Variants in SIRPG observed in about 807,000 individuals in gnomAD.
SIRPG encodes signal-regulatory protein gamma.
A neutral mutation model predicts 35.7 loss-of-function variants in SIRPG; 38 were observed. The observed-to-expected ratio is 1.06, with a 90% confidence interval of 0.82 to 1.40. The LOEUF is 1.40. SIRPG is among the 40% of genes most tolerant of loss of function. SIRPG has a pLI of 0.00. For missense variants in SIRPG, 519 were observed against 483.0 expected (o/e 1.07, Z -0.70); for synonymous variants, 215 against 190.4 (o/e 1.13, Z -1.06).
chr20:1,652,463 A>G (rs1188540001), intron 1 of SIRPG, among the ~76,000 whole-genome samples: 1 of 152,244 alleles, frequency 6.6e-6, no homozygotes, highest in Non-Finnish European at 1.5e-5. Flanking sequence ...ATACTAGCTA[A>G]CTGAATTGAA....
intron 4 of SIRPG, among the ~76,000 whole-genome samples, 174 bp downstream of exon 4, chr20:1,635,093 G>A (rs2091785067): frequency 6.6e-6 from 1 of 152,018 alleles, no homozygotes; most frequent in South Asian, 2.1e-4. Flanking sequence ...CTATTAACTT[G>A]TGCATCAAAT....
the SIRPG span, among the ~76,000 whole-genome samples, chr20:1,669,198 C>T: frequency 6.6e-6 from 1 of 152,184 alleles, no homozygotes; most frequent in African/African-American, 2.4e-5. Context: ...TCTTCAGGGC[C>T]TCAAATTTAC....
intron 1 of SIRPG, among the ~76,000 whole-genome samples, chr20:1,653,065 A>C (rs181326519): frequency 5.3e-4 from 80 of 152,378 alleles, no homozygotes; most frequent in African/African-American, 1.5e-3. Context: ...GTTTGCAAAC[A>C]TACAGAAAGT....
chr20:1,677,504 ACATG>A, the SIRPG span, among the ~76,000 whole-genome samples: 1 of 152,182 alleles, frequency 6.6e-6, no homozygotes, highest in Non-Finnish European at 1.5e-5. Context: ...AGTGACAGTG[ACATG>A]CAGAATCCCC....
the SIRPG span, among the ~76,000 whole-genome samples, chr20:1,667,560 G>T: frequency 2.6e-5 from 4 of 152,008 alleles, no homozygotes; most frequent in African/African-American, 4.8e-5. Context: ...GAGAGAGAGA[G>T]GATTCAAAAC....
chr20:1,668,203 C>CT, the SIRPG span, among the ~76,000 whole-genome samples: 543 of 25,008 alleles, frequency 0.022, 6 homozygotes, highest in African/African-American at 0.063. Context: ...CTTTTCTTTT[C>CT]TTTCTTTCTT....
chr20:1,657,447 G>A (rs971227189), intron 1 of SIRPG, among the ~76,000 whole-genome samples, 195 bp downstream of exon 1: 5 of 152,208 alleles, frequency 3.3e-5, no homozygotes, highest in Admixed American at 6.5e-5. Flanking sequence ...AGCCTCACAA[G>A]GTTTGATGCC....
At chr20:1,632,319 G>C (rs117616193) in intron 4 of SIRPG, among the ~76,000 whole-genome samples, 2 of 152,274 alleles carry the variant, frequency 1.3e-5, no homozygotes, top group Non-Finnish European at 2.9e-5. Flanking sequence ...ACTGCAAAAT[G>C]ACCGTGAGTC....
rs1294317660 is a variant in SIRPG, at chr20:1,636,331, C to G, written c.605G>C (p.Ser202Thr). The G allele has an allele frequency of 6.2e-7, 1 of 1,614,252 alleles. No homozygotes were observed. Among genetic ancestry groups the G allele is most frequent in the Admixed American group, 1.7e-5 (1 of 60,034 alleles). The change falls in exon 3 of 6, where the codon AGT becomes ACT. Residue 202 changes from serine (S) to threonine (T), a missense_variant. Physicochemically the swap from Ser to Thr is moderately conservative, Grantham distance 58. Transcript: ENST00000303415. ...TGTGCTGCGGATGCTGTAGGCCACA[C>G]TCTGTCCTGTGGGGTCCACGTTGGT... Reference protein sequence around the residue: ...FQTNVDPTGQSVAYSIRSTAR... With the variant: ...FQTNVDPTGQTVAYSIRSTAR...
At chr20:1,635,653 G>A (rs772280773) in intron 3 of SIRPG, 54 bp from the exon 4 acceptor site, 133 of 1,575,668 alleles carry the variant, frequency 8.4e-5, no homozygotes, top group Admixed American at 1.5e-4. Context: ...AGATCACAGG[G>A]AGGGCTCCAT....
the SIRPG span, among the ~76,000 whole-genome samples, chr20:1,683,381 C>A: frequency 6.6e-6 from 1 of 152,188 alleles, no homozygotes; most frequent in Non-Finnish European, 1.5e-5. Flanking sequence ...TTAGATCCAG[C>A]AATCTCACTT....
At chr20:1,678,501 A>C in the SIRPG span, among the ~76,000 whole-genome samples, 1 of 152,210 alleles carries the variant, frequency 6.6e-6, no homozygotes, top group Non-Finnish European at 1.5e-5. Flanking sequence ...AGAAACTGGA[A>C]GATGAAATCA....
chr20:1,670,389 T>C, the SIRPG span: 2 of 162,880 alleles, frequency 1.2e-5, no homozygotes, highest in Admixed American at 1.3e-4. Flanking sequence ...AGGGTGCTCT[T>C]TGCATATGAA....
intron 2 of SIRPG, among the ~76,000 whole-genome samples, chr20:1,643,116 G>A (rs1245458237): frequency 6.6e-6 from 1 of 152,072 alleles, no homozygotes; most frequent in Non-Finnish European, 1.5e-5. Flanking sequence ...ATGTTATCCT[G>A]TCTTGCTAGG....
chr20:1,638,962 A>C (rs1241074189), intron 2 of SIRPG, among the ~76,000 whole-genome samples: 1 of 152,030 alleles, frequency 6.6e-6, no homozygotes, highest in Non-Finnish European at 1.5e-5. Flanking sequence ...ATTCTTTTTT[A>C]TGGCTGCATA....
Position 1,649,266 on chromosome 20 carries a change from T to C in SIRPG, c.216A>G (p.Pro72=). The stretch of plus-strand genomic sequence containing the variant: ...TTTGATTGTAGATTAATTCCCGGCC[T>C]GGTCCAACTCCTCTGAACCACAGGA... ...GPVLWFRGVG[P]GRELIYNQKE... is the part of the protein sequence containing the mutation. The change falls in exon 2 of 6, where the codon CCA becomes CCG. Residue 72 remains proline (P), a synonymous_variant. Coordinates refer to ENST00000303415, the MANE Select transcript of SIRPG (RefSeq NM_018556.4). The C allele has an allele frequency of 1.2e-6, 2 of 1,614,114 alleles. No homozygotes were observed. The highest frequency in any genetic ancestry group is 1.7e-6 in the Non-Finnish European group (2 of 1,180,018).
the SIRPG span, among the ~76,000 whole-genome samples, chr20:1,685,644 C>A: frequency 6.6e-6 from 1 of 152,118 alleles, no homozygotes; most frequent in Non-Finnish European, 1.5e-5. Context: ...TTACAGGGCC[C>A]AGAAAGCAGC....
chr20:1,659,070 T>A (rs991499169), upstream of SIRPG, among the ~76,000 whole-genome samples: 1 of 152,248 alleles, frequency 6.6e-6, no homozygotes, highest in African/African-American at 2.4e-5. Context: ...AGGAATAATA[T>A]AAGCCATACT....
At chr20:1,645,157 G>A (rs533433579) in intron 2 of SIRPG, among the ~76,000 whole-genome samples, 47 of 152,180 alleles carry the variant, frequency 3.1e-4, no homozygotes, top group African/African-American at 1.1e-3. Flanking sequence ...CTCTATCTTG[G>A]GTCCTGAGGC....
Sources: gnomAD v4.1 joint callset for allele counts (sites outside exome capture counted in the v4.1 genomes callset) on GRCh38, gnomAD v4.1.1 for gene constraint, MANE v1.5 for transcripts, NCBI Gene and HGNC (gene_info 2026-07-23, HGNC 2026-07-21) for gene names.